PTPN11: variants seen among roughly 807,000 people sequenced by gnomAD.
The protein encoded by PTPN11 is protein tyrosine phosphatase non-receptor type 11, also known as tyrosine-protein phosphatase non-receptor type 11.
Under a neutral mutation model 78.8 loss-of-function variants are expected in PTPN11, and 6 were observed. The observed-to-expected ratio is 0.08, with a 90% CI of 0.04 to 0.15. PTPN11 has a LOEUF of 0.15. Ranked by LOEUF, PTPN11 falls within the 10% of genes least tolerant of loss-of-function variation. The pLI is 1.00. For synonymous variants in PTPN11, 221 were observed against 263.5 expected (o/e 0.84, Z 1.56); for missense variants, 386 against 744.8 (o/e 0.52, Z 5.61).
chr12:112,454,343 C>T (rs1216963866), intron 4 of PTPN11, among the ~76,000 whole-genome samples: 1 of 152,096 alleles, frequency 6.6e-6, no homozygotes, highest in Non-Finnish European at 1.5e-5. Context: ...TGGTCTCGAA[C>T]TCCTGACCTC....
intron 11 of PTPN11, 168 bp downstream of exon 11, chr12:112,486,797 T>A (rs2038684994): frequency 6.7e-7 from 1 of 1,486,120 alleles, no homozygotes; most frequent in African/African-American, 1.4e-5. Flanking sequence ...AAGGCATATT[T>A]CTCCTAGACC....
chr12:112,471,942 G>A (rs190618390), intron 6 of PTPN11, among the ~76,000 whole-genome samples: 282 of 152,026 alleles, frequency 1.9e-3, no homozygotes, highest in Non-Finnish European at 2.6e-3. Context: ...TAGTAGAGAC[G>A]GGGTTTTGTC....
intron 1 of PTPN11, among the ~76,000 whole-genome samples, chr12:112,429,719 G>T (rs1465464491): frequency 6.6e-6 from 1 of 150,746 alleles, no homozygotes; most frequent in African/African-American, 2.4e-5. Flanking sequence ...CAGGAGAATC[G>T]CTTGAACCCG....
At chr12:112,469,259 C>G (rs539719263) in intron 6 of PTPN11, among the ~76,000 whole-genome samples, 1 of 152,076 alleles carries the variant, frequency 6.6e-6, no homozygotes, top group East Asian at 1.9e-4. Context: ...ATGAGAAAGG[C>G]TTTCTCTTTT....
At chr12:112,473,665 G>A (rs1358186985) in intron 7 of PTPN11, among the ~76,000 whole-genome samples, 1 of 152,032 alleles carries the variant, frequency 6.6e-6, no homozygotes. Context: ...TGGCCAACAT[G>A]GTGAAACCCC....
rs2038619620 is a variant in PTPN11, at chr12:112,482,958, A to T, written c.1224+753A>T. 6.6e-6 allele frequency among the ~76,000 whole-genome samples: 1 copy of T among 152,150 alleles called. No homozygotes were observed. The highest frequency in any genetic ancestry group is 2.4e-5 in the African/African-American group (1 of 41,430). The stretch of plus-strand genomic sequence containing the variant: ...CAGTCATGTGGACATTCATCTATTC[A>T]TTCAGAGATATTTGTTCAATGACCT... On this transcript the variant is annotated intron_variant, in intron 10 of 15. Transcript: ENST00000351677. This position sits in a 1 kb window ranked among gnomAD's most constrained non-coding sequence, Gnocchi z 4.4.
intron 1 of PTPN11, among the ~76,000 whole-genome samples, chr12:112,436,001 A>G (rs1261534279): frequency 2.0e-5 from 3 of 152,150 alleles, no homozygotes; most frequent in African/African-American, 7.2e-5. Flanking sequence ...CCTGAACAAC[A>G]TAGTGGGACC....
chr12:112,504,670 G>C lies in PTPN11; in HGVS notation c.1713-25G>C. The stretch of plus-strand genomic sequence containing the variant: ...CAGCGTGGTCTACATTTTTGTAAAT[G>C]TCTTTCTTTTTCTTTTCTCTCCAGA... On this transcript the variant is annotated intron_variant, in intron 14 of 15. Transcript: ENST00000351677. This position sits in a 1 kb window ranked among gnomAD's most constrained non-coding sequence, Gnocchi z 4.7. The C allele has an allele frequency of 6.6e-7, 1 of 1,518,788 alleles. No homozygotes were observed. The allele number at this position is 1,518,788 out of a possible 1,614,324, so 94.1% of individuals were successfully genotyped here.
intron 1 of PTPN11, among the ~76,000 whole-genome samples, chr12:112,445,722 A>G (rs990041665): frequency 7.3e-5 from 11 of 150,480 alleles, no homozygotes; most frequent in African/African-American, 2.5e-4. Flanking sequence ...GCTCACCGCA[A>G]CCTCTGCCTC....
intron 1 of PTPN11, among the ~76,000 whole-genome samples, chr12:112,429,472 T>C (rs2037675703): frequency 6.6e-6 from 1 of 150,768 alleles, no homozygotes; most frequent in Non-Finnish European, 1.5e-5. Context: ...CCTTTGGCAG[T>C]TGAAACTACT....
chr12:112,480,085 G>A (rs941971252), intron 9 of PTPN11, among the ~76,000 whole-genome samples: 3 of 152,134 alleles, frequency 2.0e-5, no homozygotes, highest in African/African-American at 4.8e-5. Context: ...AGGTTTCCAC[G>A]GGAGTTTAGA....
chr12:112,450,613 T>C, intron 3 of PTPN11, 101 bp downstream of exon 3: 2 of 1,158,320 alleles, frequency 1.7e-6, no homozygotes, highest in Non-Finnish European at 2.6e-6. Flanking sequence ...TCCAAAGGCT[T>C]GTGACTGTTT....
chr12:112,480,649 T>G (rs1214886691), intron 9 of PTPN11, among the ~76,000 whole-genome samples: 1 of 152,210 alleles, frequency 6.6e-6, no homozygotes, highest in Non-Finnish European at 1.5e-5. Context: ...CGTGAGCCAC[T>G]GCGCCCAACC....
intron 6 of PTPN11, among the ~76,000 whole-genome samples, chr12:112,470,655 C>T (rs147896577): frequency 3.9e-5 from 6 of 152,266 alleles, no homozygotes; most frequent in Non-Finnish European, 7.4e-5. Flanking sequence ...ACCGCCCCCC[C>T]ACCTCAGTGA....
At chr12:112,472,215 T>G (rs961904372) in intron 6 of PTPN11, among the ~76,000 whole-genome samples, 1 of 152,132 alleles carries the variant, frequency 6.6e-6, no homozygotes, top group Non-Finnish European at 1.5e-5. Flanking sequence ...CTTGAACTCC[T>G]GGGCTCAAGT....
At chr12:112,495,941 T>C (rs1484453025) in intron 13 of PTPN11, among the ~76,000 whole-genome samples, 2 of 152,128 alleles carry the variant, frequency 1.3e-5, no homozygotes, top group African/African-American at 2.4e-5. Context: ...TGTACTTTTT[T>C]CCTCTTTCCC....
At chr12:112,484,289 G>C (rs1723112561) in intron 10 of PTPN11, among the ~76,000 whole-genome samples, 1 of 152,222 alleles carries the variant, frequency 6.6e-6, no homozygotes, top group African/African-American at 2.4e-5. Flanking sequence ...TTGAGGCGGT[G>C]AACATGAAAA....
intron 6 of PTPN11, among the ~76,000 whole-genome samples, chr12:112,457,793 A>G (rs11066316): frequency 1.3e-5 from 2 of 152,196 alleles, no homozygotes; most frequent in Non-Finnish European, 2.9e-5. Flanking sequence ...TCACTTACCC[A>G]TTGACAATGT....
chr12:112,481,649 C>T (rs769247324), intron 9 of PTPN11, among the ~76,000 whole-genome samples: 5 of 152,116 alleles, frequency 3.3e-5, no homozygotes, highest in African/African-American at 9.7e-5. Context: ...CCTGCTATCA[C>T]GCCTGGCTAA....
Sources: gnomAD v4.1 joint callset for allele counts (sites outside exome capture counted in the v4.1 genomes callset) on GRCh38, gnomAD v4.1.1 for gene constraint, Gnocchi (gnomAD v3.1) non-coding constraint, MANE v1.5 for transcripts, NCBI Gene and HGNC (gene_info 2026-07-23, HGNC 2026-07-21) for gene names.